GCNT4: variants seen among roughly 807,000 people sequenced by gnomAD.
GCNT4 encodes glucosaminyl (N-acetyl) transferase 4, also known as beta-1,3-galactosyl-O-glycosyl-glycoprotein beta-1,6-N-acetylglucosaminyltransferase 4.
Under a neutral mutation model 31.3 loss-of-function variants are expected in GCNT4, and 17 were observed. The observed-to-expected ratio is 0.54, with a 90% CI of 0.37 to 0.81. The LOEUF is 0.81. GCNT4 is among the 40% of genes least tolerant of loss of function. The pLI is 0.00. For missense variants in GCNT4, 503 were observed against 525.5 expected, an observed-to-expected ratio of 0.96 and a Z score of 0.42; for synonymous variants, 158 against 190.6, an observed-to-expected ratio of 0.83 and a Z score of 1.41.
rs995430380 is a variant in GCNT4, at chr5:75,026,667, A to AAAAC, written c.*2008_*2009insGTTT. The AAAAC allele has an allele frequency of 6.7e-6, 1 of 150,360 alleles. No individual in the cohort carries two copies. Among genetic ancestry groups the AAAAC allele is most frequent in the African/African-American group, 2.5e-5 (1 of 40,262 alleles). 9.3% of individuals were successfully genotyped at this position (150,360 alleles called of 1,614,324 possible). A position where few individuals can be genotyped will look rare whatever the true frequency, so the allele number is the denominator to read the frequency against. On this transcript the variant is annotated 3_prime_UTR_variant, in exon 4 of 4. Transcript: ENST00000652361. ...TCTCACAAAAAAAAAAAAAAAAAAA[A>AAAAC]AAAAACACTTGTGTGGAAGCAAGGA...
At chr5:75,053,786 T>C (rs184532401), upstream of GCNT4, among the ~76,000 whole-genome samples, 3 of 152,232 alleles carry the variant, frequency 2.0e-5, no homozygotes, top group East Asian at 2.0e-4. Flanking sequence ...GGGCCGCGCT[T>C]CGGACAAAGT....
downstream of GCNT4, among the ~76,000 whole-genome samples, chr5:75,023,619 A>T (rs1359022210): frequency 6.6e-6 from 1 of 152,230 alleles, no homozygotes; most frequent in Admixed American, 6.5e-5. Context: ...AAGACCATGT[A>T]GCAACATGGC....
rs547989226 is a variant in GCNT4, at chr5:75,029,822, G to C, written c.216C>G (p.Asn72Lys). ...GCTCCTGTTCATAGATACCCGAACAGTTAACTTCATACCTGACTTCATCCT... is the reference window on the plus strand; with the variant it reads ...GCTCCTGTTCATAGATACCCGAACACTTAACTTCATACCTGACTTCATCCT... ...HVKDEVRYEVNCSGIYEQEPL... is the reference protein window; with the variant it reads ...HVKDEVRYEVKCSGIYEQEPL... Residue 72 changes from asparagine to lysine, a missense_variant, in exon 4 of 4, where the codon AAC (asparagine) becomes AAG (lysine). Coordinates refer to ENST00000652361, the MANE Select transcript of GCNT4 (RefSeq NM_001366737.1). The C allele has an allele frequency of 1.2e-6, 2 of 1,614,088 alleles. No homozygotes were observed. Among genetic ancestry groups the C allele is most frequent in the Admixed American group, 3.3e-5 (2 of 60,018 alleles).
chr5:75,043,846 C>A (rs1215495350), intron 3 of GCNT4, among the ~76,000 whole-genome samples: 2 of 152,208 alleles, frequency 1.3e-5, no homozygotes, highest in African/African-American at 4.8e-5. Context: ...ATTAAAGTGG[C>A]TACTTATACA....
At chr5:75,031,342 G>A (rs1212955176) in intron 3 of GCNT4, among the ~76,000 whole-genome samples, 1 of 152,162 alleles carries the variant, frequency 6.6e-6, no homozygotes, top group Non-Finnish European at 1.5e-5. Context: ...AAAGTGCTGG[G>A]ATTACAGGCA....
intron 3 of GCNT4, among the ~76,000 whole-genome samples, chr5:75,045,367 A>G (rs145133674): frequency 6.6e-6 from 1 of 152,302 alleles, no homozygotes; most frequent in East Asian, 1.9e-4. Flanking sequence ...CCTCTATATC[A>G]TAGGAATCAT....
rs1743480946 is a variant in GCNT4, at chr5:75,047,958, A to G, written c.-63T>C. 1 of 152,224 alleles carries G rather than the reference A, an allele frequency of 6.6e-6. No homozygotes were observed. The highest frequency in any genetic ancestry group is 1.5e-5 in the Non-Finnish European group (1 of 68,034). The allele number at this position is 152,224 out of a possible 1,614,324, so 9.4% of individuals were successfully genotyped here. Reference sequence around the variant, plus strand: ...GTATAAACAGCGTAGGGAAAGGAACATCACCGTCAGTTACTGAGGAGGTGC... The same window carrying G: ...GTATAAACAGCGTAGGGAAAGGAACGTCACCGTCAGTTACTGAGGAGGTGC... On this transcript the variant is annotated 5_prime_UTR_variant, in exon 3 of 4. The change abolishes an upstream ATG in the 5' untranslated region. Transcript: ENST00000652361.
intron 3 of GCNT4, among the ~76,000 whole-genome samples, chr5:75,039,449 T>C (rs1743271107): frequency 6.6e-6 from 1 of 152,214 alleles, no homozygotes; most frequent in South Asian, 2.1e-4. Flanking sequence ...ATTCAGTAAA[T>C]CTATGAGATA....
rs547294218 is a variant in GCNT4 at position 75,028,848 on chromosome 5, T to C, written c.1190A>G (p.Glu397Gly). The C allele has an allele frequency of 1.2e-6, 2 of 1,614,076 alleles. No individual in the cohort carries two copies. Among genetic ancestry groups the C allele is most frequent in the South Asian group, 2.2e-5 (2 of 91,076 alleles). ...LRSVCIYGAA[E>G]LRWLIKDGHW... ...TCCATCTTTGATAAGCCACCTTAAT[T>C]CTGCAGCTCCATAAATACACACGCT... Residue 397 changes from glutamate to glycine, a missense_variant, in exon 4 of 4, where the codon GAA becomes GGA. Physicochemically the swap from Glu to Gly is moderately conservative, Grantham distance 98. Coordinates refer to ENST00000652361, the MANE Select transcript of GCNT4 (RefSeq NM_001366737.1).
Position 75,030,014 on chromosome 5 carries a change from A to G in GCNT4, c.24T>C (p.Phe8=). 6.3e-7 allele frequency: 1 copy of G among 1,599,150 alleles called. No homozygotes were observed. Among genetic ancestry groups the G allele is most frequent in the East Asian group, 2.2e-5 (1 of 44,748 alleles). The part of the protein sequence containing the change: MKIFKCY[F]KHTLQQKVFI... ...AAACTTTCTGCTGTAGGGTATGTTT[A>G]AAATAACATTTGAATATCTTCATTC... The change falls in exon 4 of 4, where the codon TTT becomes TTC. Residue 8 remains phenylalanine, a synonymous_variant. Coordinates refer to ENST00000652361, the MANE Select transcript of GCNT4 (RefSeq NM_001366737.1).
Position 75,029,623 on chromosome 5 carries a change from C to A in GCNT4, c.415G>T (p.Val139Phe). ...TCAACCATAATTGCATCTTTGTGGA[C>A]AACCAAAGAATAGGCTATTGGGAAG... ...KSFPIAYSLVVHKDAIMVERL... is the reference protein window; with the variant it reads ...KSFPIAYSLVFHKDAIMVERL... The change falls in exon 4 of 4, where the codon GTC becomes TTC. Residue 139 changes from valine to phenylalanine, a missense_variant. By Grantham distance (50) the Val-to-Phe change is conservative. Transcript: ENST00000652361. The A allele has an allele frequency of 6.2e-7, 1 of 1,614,090 alleles. No individual in the cohort carries two copies. The highest frequency in any genetic ancestry group is 8.5e-7 in the Non-Finnish European group (1 of 1,180,038).
At chr5:75,031,057 T>C (rs868542673) in intron 3 of GCNT4, among the ~76,000 whole-genome samples, 25 of 151,736 alleles carry the variant, frequency 1.6e-4, no homozygotes, top group African/African-American at 5.6e-4. Context: ...ACAAAGAACA[T>C]ACATTAGCAA....
chr5:75,045,174 C>T (rs925651179), intron 3 of GCNT4, among the ~76,000 whole-genome samples: 4 of 152,130 alleles, frequency 2.6e-5, no homozygotes, highest in Non-Finnish European at 2.9e-5. Context: ...TTTAAGTGTA[C>T]AGTTCAGTGG....
At chr5:75,053,115 G>A (rs981559068), upstream of GCNT4, among the ~76,000 whole-genome samples, 15 of 151,898 alleles carry the variant, frequency 9.9e-5, no homozygotes, top group Non-Finnish European at 1.6e-4. Context: ...CCCGCCGCCC[G>A]CTGCCCTTTC....
intron 2 of GCNT4, among the ~76,000 whole-genome samples, chr5:75,050,207 T>A (rs1743537445): frequency 6.6e-6 from 1 of 152,210 alleles, no homozygotes; most frequent in Non-Finnish European, 1.5e-5. Context: ...CTCCTAAACA[T>A]TACATTTGTA....
rs1330516131 is a variant in GCNT4, at chr5:75,027,220, AC to A, written c.*1455del. Reference sequence around the variant, plus strand: ...TGCCTATTCTCAGAACCCCATTCCTACCCCATTTTACTTCCAGAACAATTCC... The same window carrying A: ...TGCCTATTCTCAGAACCCCATTCCTACCCATTTTACTTCCAGAACAATTCC... On this transcript the variant is annotated 3_prime_UTR_variant, in exon 4 of 4. Coordinates refer to ENST00000652361, the MANE Select transcript of GCNT4 (RefSeq NM_001366737.1). 2.8e-4 allele frequency: 41 copies of A among 145,874 alleles called. No individual in the cohort carries two copies. The highest frequency in any genetic ancestry group is 1.0e-3 in the African/African-American group (41 of 39,198). 9.0% of individuals were successfully genotyped at this position (145,874 alleles called of 1,614,324 possible).
chr5:75,045,892 T>A (rs1026192620), intron 3 of GCNT4, among the ~76,000 whole-genome samples: 7 of 152,144 alleles, frequency 4.6e-5, no homozygotes, highest in African/African-American at 1.7e-4. Context: ...TCTATAGAAA[T>A]TTTCCAGAAA....
At chr5:75,043,079 G>A (rs562575627) in intron 3 of GCNT4, among the ~76,000 whole-genome samples, 7 of 152,300 alleles carry the variant, frequency 4.6e-5, no homozygotes, top group South Asian at 4.1e-4. Flanking sequence ...CCTTCTAGCC[G>A]TAGTTTTAAT....
upstream of GCNT4, among the ~76,000 whole-genome samples, chr5:75,053,187 C>A (rs1005071011): frequency 6.6e-6 from 1 of 150,580 alleles, no homozygotes; most frequent in Non-Finnish European, 1.5e-5. Context: ...CCGCGGGGAG[C>A]CCCGAAGTTG....
Sources: gnomAD v4.1 joint callset for allele counts (sites outside exome capture counted in the v4.1 genomes callset) on GRCh38, gnomAD v4.1.1 for gene constraint, MANE v1.5 for transcripts, NCBI Gene and HGNC (gene_info 2026-07-23, HGNC 2026-07-21) for gene names.